The following LALBA variants were observed in gnomAD, a reference collection of about 807,000 sequenced individuals.
LALBA encodes lactalbumin alpha, also known as alpha-lactalbumin.
Under a neutral mutation model 13.4 loss-of-function variants are expected in LALBA, and 12 were observed. The observed-to-expected ratio is 0.89, with a 90% CI of 0.57 to 1.45. The LOEUF is 1.45. Ranked by LOEUF, LALBA falls within the 40% of genes most tolerant of loss-of-function variation. The pLI, the probability that LALBA is intolerant of heterozygous loss-of-function variation, is 0.00. For synonymous variants in LALBA, 64 were observed against 61.0 expected (o/e 1.05, Z -0.23); for missense variants, 145 against 165.9 (o/e 0.87, Z 0.69).
rs1181949384 is a variant in LALBA at position 48,569,192 on chromosome 12, A to G, written c.182T>C (p.Val61Ala). 10 of 1,613,808 alleles carry G rather than the reference A, an allele frequency of 6.2e-6. No individual in the cohort carries two copies. The East Asian group carries it at 6.7e-5, about 11-fold the overall frequency. ...HTSGYDTQAI[V>A]ENNESTEYGL... ...ATATTCCGTGCTTTCATTGTTTTCAACTATGGCTTGTGTGTCATAACCACT... is the reference window on the plus strand; with the variant it reads ...ATATTCCGTGCTTTCATTGTTTTCAGCTATGGCTTGTGTGTCATAACCACT... Residue 61 changes from valine (V) to alanine (A), a missense_variant, in exon 2 of 4, where the codon GTT becomes GCT. Physicochemically the swap from Val to Ala is moderately conservative, Grantham distance 64. Coordinates refer to ENST00000301046, the MANE Select transcript of LALBA (RefSeq NM_002289.3).
intron 1 of LALBA, among the ~76,000 whole-genome samples, chr12:48,569,480 G>A (rs1592225415): frequency 6.6e-6 from 1 of 152,314 alleles, no homozygotes; most frequent in African/African-American, 2.4e-5. Context: ...TTGGGAGGCT[G>A]AGGAGGGCGG....
At chr12:48,570,912 G>C (rs373931088), upstream of LALBA, among the ~76,000 whole-genome samples, 1 of 151,160 alleles carries the variant, frequency 6.6e-6, no homozygotes, top group East Asian at 2.0e-4. Flanking sequence ...AGGAGGTCGA[G>C]GCTGCAGTGA....
intron 1 of LALBA, among the ~76,000 whole-genome samples, 159 bp downstream of exon 1, chr12:48,569,729 C>A (rs1372250635): frequency 6.6e-6 from 1 of 151,956 alleles, no homozygotes; most frequent in South Asian, 2.1e-4. Flanking sequence ...TAAATAAATA[C>A]ATACATATAT....
intron 1 of LALBA, 109 bp downstream of exon 1, chr12:48,569,779 G>T (rs1481512298): frequency 2.7e-5 from 26 of 960,038 alleles, no homozygotes. Flanking sequence ...GAGCAGAAAA[G>T]AGGATGATTA....
upstream of LALBA, among the ~76,000 whole-genome samples, chr12:48,571,382 C>CCTTTTT: frequency 3.9e-5 from 1 of 25,684 alleles, no homozygotes; most frequent in Admixed American, 5.3e-4. Context: ...TCTTCTTCTT[C>CCTTTTT]TTCCTTTTTT....
chr12:48,568,366 A>C lies in LALBA; in HGVS notation c.368+151T>G, dbSNP rs1008020555. The C allele has an allele frequency of 1.5e-5, 10 of 661,182 alleles. No individual in the cohort carries two copies. The African/African-American group carries it at 1.8e-4, about 12-fold the overall frequency. The allele number at this position is 661,182 out of a possible 1,614,324, so 41.0% of individuals were successfully genotyped here. ...CAAGGAGCGGAGCGAGAGAGGCTTA[A>C]TAACAGAAACCTGAGTCTCTAGGTA... On this transcript the variant is annotated intron_variant, in intron 3 of 3. Transcript: ENST00000301046.
upstream of LALBA, chr12:48,570,095 G>A: frequency 6.5e-7 from 1 of 1,540,460 alleles, no homozygotes; most frequent in Non-Finnish European, 8.9e-7. Flanking sequence ...GAAAGCCTCA[G>A]GGGCTCTGGT....
Position 48,567,760 on chromosome 12 carries a change from G to A in LALBA, c.*197C>T, listed in dbSNP as rs1938585091. The A allele has an allele frequency of 1.8e-6, 1 of 561,536 alleles. No individual in the cohort carries two copies. Among genetic ancestry groups the A allele is most frequent in the South Asian group, 2.0e-5 (1 of 49,038 alleles). 34.8% of individuals were successfully genotyped at this position (561,536 alleles called of 1,614,324 possible). On this transcript the variant is annotated 3_prime_UTR_variant, in exon 4 of 4. Coordinates refer to ENST00000301046, the MANE Select transcript of LALBA (RefSeq NM_002289.3). ...GTGAAAGTGCCATCGAAGGCACTGAGTAAGGGTCTAGAGCTCAGTGCACCA... is the reference window on the plus strand; with the variant it reads ...GTGAAAGTGCCATCGAAGGCACTGAATAAGGGTCTAGAGCTCAGTGCACCA...
intron 1 of LALBA, among the ~76,000 whole-genome samples, chr12:48,569,530 A>G (rs952270215): frequency 2.0e-5 from 3 of 152,180 alleles, no homozygotes; most frequent in Non-Finnish European, 2.9e-5. Flanking sequence ...CCTGGCCAAC[A>G]TGGTGAAACC....
upstream of LALBA, among the ~76,000 whole-genome samples, chr12:48,570,421 C>T (rs904302946): frequency 2.0e-5 from 3 of 152,070 alleles, no homozygotes; most frequent in African/African-American, 7.2e-5. Context: ...AAGTTCTATA[C>T]CGAGCTTCCC....
rs766628260 is a variant in LALBA, at chr12:48,569,253, T to A, written c.134-13A>T. ...ATGGTACAGATCACTGAGGGAAAGA[T>A]GAGAAAGAGATACCACAGAGATGTA... On this transcript the variant is annotated splice_polypyrimidine_tract_variant and intron_variant, in intron 1 of 3. Coordinates refer to ENST00000301046, the MANE Select transcript of LALBA (RefSeq NM_002289.3). 2 of 1,604,058 alleles carry A rather than the reference T, an allele frequency of 1.2e-6. No individual in the cohort carries two copies. Among genetic ancestry groups the A allele is most frequent in the East Asian group, 2.2e-5 (1 of 44,676 alleles).
At chr12:48,568,989 A>G in intron 2 of LALBA, 93 bp downstream of exon 2, 1 of 1,107,852 alleles carries the variant, frequency 9.0e-7, no homozygotes, top group Non-Finnish European at 1.3e-6. Context: ...AGCCAAGGCA[A>G]TGAAGCCTGA....
At chr12:48,569,686 C>G (rs1306076316) in intron 1 of LALBA, among the ~76,000 whole-genome samples, 4 of 152,084 alleles carry the variant, frequency 2.6e-5, no homozygotes, top group Non-Finnish European at 4.4e-5. Context: ...GCACTCCAGT[C>G]TGGGCAACAA....
chr12:48,568,458 T>C (rs917967312), intron 3 of LALBA, 59 bp downstream of exon 3: 14 of 952,010 alleles, frequency 1.5e-5, no homozygotes, highest in Non-Finnish European at 2.2e-5. Context: ...AAAGGGGTGC[T>C]GGGCTAATGG....
intron 1 of LALBA, 35 bp from the exon 2 acceptor site, chr12:48,569,275 T>G: frequency 6.4e-7 from 1 of 1,563,470 alleles, no homozygotes; most frequent in Admixed American, 1.7e-5. Flanking sequence ...ACCACAGAGA[T>G]GTACAGGATC....
chr12:48,568,501 T>C lies in LALBA; in HGVS notation c.368+16A>G, dbSNP rs764291319. 5 of 1,440,084 alleles carry C rather than the reference T, an allele frequency of 3.5e-6. No homozygotes were observed. The South Asian group carries it at 5.7e-5, about 16-fold the overall frequency. 89.2% of individuals were successfully genotyped at this position (1,440,084 alleles called of 1,614,324 possible). A position where few individuals can be genotyped will look rare whatever the true frequency, so the allele number is the denominator to read the frequency against. ...AGAAGGAGGATGGGGAAATAGAAAA[T>C]AGAATAAGGATTCACCAGTAGTCAA... On this transcript the variant is annotated intron_variant, in intron 3 of 3. Transcript: ENST00000301046.
upstream of LALBA, among the ~76,000 whole-genome samples, chr12:48,570,762 C>G (rs1205370448): frequency 7.2e-5 from 11 of 151,996 alleles, no homozygotes; most frequent in East Asian, 1.5e-3. Flanking sequence ...TCTGGTGGAT[C>G]ACTTGAGCCC....
rs748784096 is a variant in LALBA at position 48,568,016 on chromosome 12, A to G, written c.370T>C (p.Leu124=). 1.9e-6 allele frequency: 3 copies of G among 1,595,792 alleles called. No homozygotes were observed. The highest frequency in any genetic ancestry group is 2.6e-6 in the Non-Finnish European group (3 of 1,170,812). ...TCAGTGCAGAGGGCTTTATGGGCCA[A>G]CCTGATAATGGAGAAGGGGGACAAG... ...ILDIKGIDYW[L]AHKALCTEKL... Residue 124 remains leucine (L), a splice_region_variant and synonymous_variant, in exon 4 of 4, where the codon TTG becomes CTG. Transcript: ENST00000301046.
At chr12:48,569,419 G>A (rs1938605380) in intron 1 of LALBA, among the ~76,000 whole-genome samples, 179 bp from the exon 2 acceptor site, 1 of 152,124 alleles carries the variant, frequency 6.6e-6, no homozygotes, top group African/African-American at 2.4e-5. Flanking sequence ...AGAAAGGATA[G>A]GAAAATAAAT....
Sources: gnomAD v4.1 joint callset for allele counts (sites outside exome capture counted in the v4.1 genomes callset) on GRCh38, gnomAD v4.1.1 for gene constraint, MANE v1.5 for transcripts, NCBI Gene and HGNC (gene_info 2026-07-23, HGNC 2026-07-21) for gene names.